Variants in TK2 observed in about 807,000 individuals in gnomAD.
The protein encoded by TK2 is thymidine kinase 2.
A neutral mutation model predicts 41.9 loss-of-function variants in TK2; 35 were observed. The observed-to-expected ratio is 0.84, with a 90% CI of 0.64 to 1.11. The LOEUF is 1.11. TK2 is among the 50% of genes least tolerant of loss of function. The probability of loss-of-function intolerance (pLI) is 0.00; values close to 1 mark genes in which losing one functional copy is unlikely to be tolerated. For synonymous variants in TK2, 128 were observed against 129.1 expected (o/e 0.99, Z 0.06); for missense variants, 320 against 351.1 (o/e 0.91, Z 0.71).
At chr16:66,547,796 C>T (rs1349625338) in intron 2 of TK2, among the ~76,000 whole-genome samples, 1 of 152,186 alleles carries the variant, frequency 6.6e-6, no homozygotes, top group African/African-American at 2.4e-5. Flanking sequence ...GCTCACAGGA[C>T]TTGAATGTTT....
In TK2 at chr16:66,511,699, C is replaced by G; in HGVS notation, c.*269G>C. 1.9e-6 allele frequency: 1 copy of G among 538,646 alleles called. No homozygotes were observed. The allele number at this position is 538,646 out of a possible 1,614,324, so 33.4% of individuals were successfully genotyped here. A position where few individuals can be genotyped will look rare whatever the true frequency, so the allele number is the denominator to read the frequency against. On this transcript the variant is annotated 3_prime_UTR_variant, in exon 10 of 10. Coordinates refer to ENST00000544898, the MANE Select transcript of TK2 (RefSeq NM_004614.5). ...CCCTAAGGGCTTCATGAGAGCGACT[C>G]AGCAGCACAAAGCCATGGGAGAGGC...
At chr16:66,523,690 G>A (rs577223968) in intron 6 of TK2, among the ~76,000 whole-genome samples, 9 of 152,136 alleles carry the variant, frequency 5.9e-5, no homozygotes, top group South Asian at 2.1e-4. Context: ...TGAGCCAGGC[G>A]TGGTGGTGGG....
intron 1 of TK2, chr16:66,549,554 A>AC (rs1469468617): frequency 2.6e-5 from 27 of 1,056,834 alleles, no homozygotes; most frequent in East Asian, 7.4e-5. Flanking sequence ...CGGGGGCGTA[A>AC]CCCCCCTCCC....
intron 2 of TK2, among the ~76,000 whole-genome samples, chr16:66,543,798 C>A (rs11865664): frequency 0.06 from 9,167 of 152,102 alleles, 925 homozygotes; most frequent in African/African-American, 0.21. Flanking sequence ...TGTCAGCTGG[C>A]GGAGAAGGTT....
intron 2 of TK2, among the ~76,000 whole-genome samples, chr16:66,542,662 G>A (rs1266798762): frequency 6.6e-6 from 1 of 152,046 alleles, no homozygotes; most frequent in South Asian, 2.1e-4. Flanking sequence ...CTAGTGGGAG[G>A]GGCCAGAAAC....
chr16:66,541,614 G>A lies in TK2; in HGVS notation c.231+265C>T, dbSNP rs114332146. On this transcript the variant is annotated intron_variant, in intron 3 of 9. Coordinates refer to ENST00000544898, the MANE Select transcript of TK2 (RefSeq NM_004614.5). ...CATATTTTTGTAGAGATGGGGTCTC[G>A]CCATGTGGCCCAGGCTGGTCTGGAA... 6.3e-3 allele frequency among the ~76,000 whole-genome samples: 955 copies of A among 152,058 alleles called. 8 individuals carry two copies. The highest frequency in any genetic ancestry group is 0.021 in the African/African-American group (875 of 41,484).
chr16:66,519,034 T>A (rs1394815927), intron 6 of TK2, among the ~76,000 whole-genome samples: 1 of 152,062 alleles, frequency 6.6e-6, no homozygotes, highest in African/African-American at 2.4e-5. Flanking sequence ...TGATCTTGGC[T>A]CACTGCAAGC....
intron 6 of TK2, among the ~76,000 whole-genome samples, chr16:66,525,339 AATGATAAGTT>A (rs1490935316): frequency 6.6e-6 from 1 of 152,244 alleles, no homozygotes; most frequent in Non-Finnish European, 1.5e-5. Flanking sequence ...CATTGTCCTC[AATGATAAGTT>A]ATGTAAATTA....
rs1964372297 is a variant in TK2 at position 66,509,022 on chromosome 16, C to A, written c.*2946G>T. 1 of 152,260 alleles carries A rather than the reference C, an allele frequency of 6.6e-6. No homozygotes were observed. Among genetic ancestry groups the A allele is most frequent in the Admixed American group, 6.6e-5 (1 of 15,264 alleles). The allele number at this position is 152,260 out of a possible 1,614,324, so 9.4% of individuals were successfully genotyped here. A position where few individuals can be genotyped will look rare whatever the true frequency, so the allele number is the denominator to read the frequency against. On this transcript the variant is annotated 3_prime_UTR_variant, in exon 10 of 10. Coordinates refer to ENST00000544898, the MANE Select transcript of TK2 (RefSeq NM_004614.5). ...GGAGAGGGAGGTGAAGCCCAAAGGA[C>A]CCCACGGCGCTGATGCCAGGTCATG...
Position 66,514,272 on chromosome 16 carries a change from G to A in TK2, c.619-461C>T, listed in dbSNP as rs192305316. 9.7e-4 allele frequency among the ~76,000 whole-genome samples: 148 copies of A among 152,330 alleles called. No homozygotes were observed. Among genetic ancestry groups the A allele is most frequent in the African/African-American group, 3.3e-3 (139 of 41,562 alleles). On this transcript the variant is annotated intron_variant, in intron 8 of 9. Transcript: ENST00000544898. The surrounding 1 kb of genome is among the most constrained non-coding windows in gnomAD (Gnocchi z 4.2). ...GTGCCTGGGATTGCAGGCGCGCACCGCCATGCCTGACTGGTTTTCGTATTT... is the reference window on the plus strand; with the variant it reads ...GTGCCTGGGATTGCAGGCGCGCACCACCATGCCTGACTGGTTTTCGTATTT...
intron 2 of TK2, among the ~76,000 whole-genome samples, chr16:66,543,468 G>A (rs536205267): frequency 9.8e-5 from 15 of 152,286 alleles, no homozygotes; most frequent in Admixed American, 3.9e-4. Flanking sequence ...CACAGGGAAC[G>A]GGCAGCTCCA....
chr16:66,525,996 C>T (rs761701863), intron 6 of TK2, among the ~76,000 whole-genome samples: 24 of 152,144 alleles, frequency 1.6e-4, no homozygotes, highest in African/African-American at 3.4e-4. Flanking sequence ...AGACCAATGC[C>T]GTAACCACAG....
intron 6 of TK2, 139 bp from the exon 7 acceptor site, chr16:66,518,016 T>C (rs544048988): frequency 8.7e-5 from 66 of 759,390 alleles, no homozygotes; most frequent in Non-Finnish European, 1.5e-4. Flanking sequence ...CGTGCAATAC[T>C]GGACATGCAG....
chr16:66,529,959 G>A (rs1965058183), intron 5 of TK2, among the ~76,000 whole-genome samples: 1 of 152,074 alleles, frequency 6.6e-6, no homozygotes. Context: ...GCCTCCTGAG[G>A]TAGATTTCCT....
At chr16:66,516,580 C>A (rs898812843) in intron 8 of TK2, among the ~76,000 whole-genome samples, 2 of 152,088 alleles carry the variant, frequency 1.3e-5, no homozygotes, top group Admixed American at 6.6e-5. Flanking sequence ...AGGGCCAGGG[C>A]GAGATGCACA....
chr16:66,541,606 G>A (rs1329858636), intron 3 of TK2, among the ~76,000 whole-genome samples: 1 of 151,984 alleles, frequency 6.6e-6, no homozygotes, highest in Non-Finnish European at 1.5e-5. Context: ...TTGTAGAGAT[G>A]GGGTCTCGCC....
At chr16:66,545,151 A>ATATATG (rs1053496156) in intron 2 of TK2, among the ~76,000 whole-genome samples, 3 of 152,180 alleles carry the variant, frequency 2.0e-5, no homozygotes, top group African/African-American at 7.2e-5. Flanking sequence ...GTATGCATGA[A>ATATATG]TATATGTATA....
intron 3 of TK2, among the ~76,000 whole-genome samples, chr16:66,538,258 T>C (rs1359742913): frequency 6.6e-6 from 1 of 152,158 alleles, no homozygotes; most frequent in Non-Finnish European, 1.5e-5. Flanking sequence ...GCTTACGTTG[T>C]TTCTTCTGAC....
In TK2 at chr16:66,544,251, G is replaced by A. The variant is rs181973295; in HGVS notation, c.157-2298C>T. Among the ~76,000 whole-genome samples the A allele has an allele frequency of 7.4e-4, 112 of 152,292 alleles. 1 individual carries two copies. Among genetic ancestry groups the A allele is most frequent in the Non-Finnish European group, 3.1e-4 (21 of 68,020 alleles). ...CAAAGTTCCCCTGAAATGGAAGGGGGAACAGGAAGCAAGCAAAGGGAGTCT... is the reference window on the plus strand; with the variant it reads ...CAAAGTTCCCCTGAAATGGAAGGGGAAACAGGAAGCAAGCAAAGGGAGTCT... On this transcript the variant is annotated intron_variant, in intron 2 of 9. Coordinates refer to ENST00000544898, the MANE Select transcript of TK2 (RefSeq NM_004614.5).
Sources: allele counts gnomAD v4.1 joint callset (sites outside exome capture counted in the v4.1 genomes callset), GRCh38; gene constraint gnomAD v4.1.1; non-coding constraint Gnocchi (gnomAD v3.1); transcripts MANE v1.5; gene names NCBI Gene and HGNC (gene_info 2026-07-23, HGNC 2026-07-21).